Variants in ANKRD23 observed in about 807,000 individuals in gnomAD.
The protein encoded by ANKRD23 is ankyrin repeat domain-containing protein 23.
ANKRD23 carries 52 observed loss-of-function variants against 38.1 expected under a neutral mutation model. That is an observed-to-expected ratio of 1.36 (90% CI 1.09 to 1.72). The LOEUF is 1.72. Among genes scored for constraint, ANKRD23 ranks in the 40% most tolerant of loss-of-function variants. The pLI, the probability that ANKRD23 is intolerant of heterozygous loss-of-function variation, is 0.00. For synonymous variants in ANKRD23, 167 were observed against 162.9 expected (o/e 1.03, Z -0.19); for missense variants, 416 against 400.2 (o/e 1.04, Z -0.34).
chr2:96,838,645 AG>A lies in ANKRD23; in HGVS notation c.*903del, dbSNP rs1467681708. 2.0e-6 allele frequency: 2 copies of A among 985,404 alleles called. No individual in the cohort carries two copies. The highest frequency in any genetic ancestry group is 3.5e-5 in the African/African-American group (2 of 57,242). The allele number at this position is 985,404 out of a possible 1,614,324, so 61.0% of individuals were successfully genotyped here. On this transcript the variant is annotated 3_prime_UTR_variant, in exon 9 of 9. Transcript: ENST00000318357. ...GAACATAAGGGGACATAAGGGCCTC[AG>A]GCAAACTAGGGTTACGGGCCACTGC...
Position 96,842,233 on chromosome 2 carries a change from G to C in ANKRD23, c.175-48C>G, listed in dbSNP as rs781321884. The C allele has an allele frequency of 9.9e-6, 16 of 1,612,304 alleles. No individual in the cohort carries two copies. In the South Asian group the frequency reaches 1.6e-4, roughly 17 times the overall value. On this transcript the variant is annotated intron_variant, in intron 2 of 8. Coordinates refer to ENST00000318357, the MANE Select transcript of ANKRD23 (RefSeq NM_144994.8). ...GCCAGCCATCAGCCGCTGGTCAAGAGATCTCTCTGCCCTGCCGACAGGAGA... is the reference window on the plus strand; with the variant it reads ...GCCAGCCATCAGCCGCTGGTCAAGACATCTCTCTGCCCTGCCGACAGGAGA...
rs1210342535 is a variant in ANKRD23 at position 96,838,082 on chromosome 2, GC to G, written c.*1466del. 6.5e-6 allele frequency: 1 copy of G among 153,638 alleles called. No homozygotes were observed. Among genetic ancestry groups the G allele is most frequent in the African/African-American group, 2.4e-5 (1 of 41,498 alleles). The allele number at this position is 153,638 out of a possible 1,614,324, so 9.5% of individuals were successfully genotyped here. On this transcript the variant is annotated 3_prime_UTR_variant, in exon 9 of 9. Coordinates refer to ENST00000318357, the MANE Select transcript of ANKRD23 (RefSeq NM_144994.8). ...GGTGCACGCTGGCTGTCGCCACAGG[GC>G]AGGAGCTGCTCATGGAAAGGTGTGT...
Position 96,839,724 on chromosome 2 carries a change from C to T in ANKRD23, c.822+3G>A, listed in dbSNP as rs977685877. On this transcript the variant is annotated splice_donor_region_variant and intron_variant, in intron 8 of 8. Transcript: ENST00000318357. Reference sequence around the variant, plus strand: ...CAGGAGCCAGGGCTGCGCCCACACTCACCGCGTTCCGCACCCCCAGCTCGG... The same window carrying T: ...CAGGAGCCAGGGCTGCGCCCACACTTACCGCGTTCCGCACCCCCAGCTCGG... 4 of 1,612,780 alleles carry T rather than the reference C, an allele frequency of 2.5e-6. No individual in the cohort carries two copies. In the Admixed American group the frequency reaches 5.0e-5, roughly 20 times the overall value.
At chr2:96,840,630 G>C (rs1005844467) in intron 4 of ANKRD23, 116 bp from the exon 5 acceptor site, 31 of 1,508,758 alleles carry the variant, frequency 2.1e-5, no homozygotes, top group Middle Eastern at 1.9e-4. Flanking sequence ...CCCACCACGC[G>C]ATGGGCCGCT....
chr2:96,842,030 G>T (rs772765570), intron 3 of ANKRD23, 30 bp downstream of exon 3: 4 of 1,612,836 alleles, frequency 2.5e-6, no homozygotes, highest in Non-Finnish European at 2.5e-6. Flanking sequence ...CCTGGTGTGT[G>T]CACTGCCCTA....
rs1574126217 is a variant in ANKRD23, at chr2:96,839,075, T to C, written c.*474A>G. 1.0e-6 allele frequency: 1 copy of C among 987,566 alleles called. No homozygotes were observed. Among genetic ancestry groups the C allele is most frequent in the South Asian group, 4.7e-5 (1 of 21,320 alleles). The allele number at this position is 987,566 out of a possible 1,614,324, so 61.2% of individuals were successfully genotyped here. A position where few individuals can be genotyped will look rare whatever the true frequency, so the allele number is the denominator to read the frequency against. On this transcript the variant is annotated 3_prime_UTR_variant, in exon 9 of 9. Coordinates refer to ENST00000318357, the MANE Select transcript of ANKRD23 (RefSeq NM_144994.8). Reference sequence around the variant, plus strand: ...CTGCATGGCCTGCCTTGGCTGCACCTTGTACATCCTGGATGGCATCTGCCG... The same window carrying C: ...CTGCATGGCCTGCCTTGGCTGCACCCTGTACATCCTGGATGGCATCTGCCG...
Position 96,841,593 on chromosome 2 carries a change from C to T in ANKRD23, c.300+467G>A, listed in dbSNP as rs189906834. Among the ~76,000 whole-genome samples the T allele has an allele frequency of 2.0e-3, 249 of 123,872 alleles. 1 individual carries two copies. Among genetic ancestry groups the T allele is most frequent in the African/African-American group, 7.9e-3 (237 of 30,064 alleles). The allele number at this position is 123,872 out of a possible 152,430, so 81.3% of individuals were successfully genotyped here. On this transcript the variant is annotated intron_variant, in intron 3 of 8. Coordinates refer to ENST00000318357, the MANE Select transcript of ANKRD23 (RefSeq NM_144994.8). ...CAGCCTGGGCAACAGAGCGAGACTC[C>T]GTCTCAAAAAAAAAAAAAAAAAAAA...
rs192694038 is a variant in ANKRD23, at chr2:96,838,374, C to T, written c.*1175G>A. 2 of 988,170 alleles carry T rather than the reference C, an allele frequency of 2.0e-6. No individual in the cohort carries two copies. The highest frequency in any genetic ancestry group is 3.5e-5 in the African/African-American group (2 of 57,432). The allele number at this position is 988,170 out of a possible 1,614,324, so 61.2% of individuals were successfully genotyped here. ...TAGGGGCCCAGCCCCACCAGCAGTA[C>T]AGGCCTACACCAGTGTAATTTGAAA... On this transcript the variant is annotated 3_prime_UTR_variant, in exon 9 of 9. Coordinates refer to ENST00000318357, the MANE Select transcript of ANKRD23 (RefSeq NM_144994.8).
rs951172144 is a variant in ANKRD23, at chr2:96,839,290, C to G, written c.*259G>C. ...TTCCTGGCCCTCATCTGGACCCGCG[C>G]TTTCTGCTGCCTTGTGGTCCTCTGC... is the stretch of plus-strand genomic sequence containing the variant. On this transcript the variant is annotated 3_prime_UTR_variant, in exon 9 of 9. Transcript: ENST00000318357. 8.2e-7 allele frequency: 1 copy of G among 1,216,384 alleles called. No homozygotes were observed. The highest frequency in any genetic ancestry group is 4.1e-5 in the Admixed American group (1 of 24,564). 75.3% of individuals were successfully genotyped at this position (1,216,384 alleles called of 1,614,324 possible). A position where few individuals can be genotyped will look rare whatever the true frequency, so the allele number is the denominator to read the frequency against.
Position 96,842,398 on chromosome 2 carries a change from C to A in ANKRD23, c.141G>T (p.Glu47Asp). ...TCTTCTCTTCTTCCAATTTCAGCTT[C>A]TCCCGGGCCACAGCCTCTTGGGGGC... ...RRGPQEAVAR[E>D]KLKLEEEKKK... Residue 47 changes from glutamate to aspartate, a missense_variant, in exon 2 of 9, where the codon GAG becomes GAT. Transcript: ENST00000318357. 2 of 1,597,644 alleles carry A rather than the reference C, an allele frequency of 1.3e-6. No individual in the cohort carries two copies. The highest frequency in any genetic ancestry group is 1.1e-5 in the South Asian group (1 of 90,864).
rs763448108 is a variant in ANKRD23, at chr2:96,839,520, G to T, written c.*29C>A. 13 of 1,426,882 alleles carry T rather than the reference G, an allele frequency of 9.1e-6. No homozygotes were observed. Among genetic ancestry groups the T allele is most frequent in the Non-Finnish European group, 2.7e-6 (3 of 1,095,956 alleles). 88.4% of individuals were successfully genotyped at this position (1,426,882 alleles called of 1,614,324 possible). ...GCACAGGATGGAATGGTGGCAGTGC[G>T]AAAGGCGCGGCGGGGGGCGGTGCTG... is the stretch of plus-strand genomic sequence containing the variant. On this transcript the variant is annotated 3_prime_UTR_variant, in exon 9 of 9. Coordinates refer to ENST00000318357, the MANE Select transcript of ANKRD23 (RefSeq NM_144994.8).
rs769794770 is a variant in ANKRD23 at position 96,839,835 on chromosome 2, A to G, written c.724-10T>C. On this transcript the variant is annotated splice_polypyrimidine_tract_variant and intron_variant, in intron 7 of 8. Coordinates refer to ENST00000318357, the MANE Select transcript of ANKRD23 (RefSeq NM_144994.8). Reference sequence around the variant, plus strand: ...GAGCCGTGTCCCCTTCCTGCTGAGAACGCAGGCAGTCAAGCTTCTGCCTCC... The same window carrying G: ...GAGCCGTGTCCCCTTCCTGCTGAGAGCGCAGGCAGTCAAGCTTCTGCCTCC... The G allele has an allele frequency of 3.7e-6, 6 of 1,610,362 alleles. No homozygotes were observed. The South Asian group carries it at 6.6e-5, about 18-fold the overall frequency.
rs574635171 is a variant in ANKRD23 at position 96,843,954 on chromosome 2, C to T, written c.27+12G>A. On this transcript the variant is annotated intron_variant, in intron 1 of 8. Transcript: ENST00000318357. ...TCCCAGGGTGCCTCCCACCTCCGTC[C>T]CACATCCTTACCAACTGCTGAATGC... 6.8e-6 allele frequency: 11 copies of T among 1,607,324 alleles called. No individual in the cohort carries two copies. The highest frequency in any genetic ancestry group is 9.3e-6 in the Non-Finnish European group (11 of 1,177,100).
Position 96,842,477 on chromosome 2 carries a change from C to CAA in ANKRD23, c.61_62insTT (p.Gly21ValfsTer30). The CAA allele has an allele frequency of 6.2e-7, 1 of 1,614,120 alleles. No individual in the cohort carries two copies. Among genetic ancestry groups the CAA allele is most frequent in the Non-Finnish European group, 8.5e-7 (1 of 1,180,006 alleles). ...AGGGTCAGGAACTCCATGTCCAAAT[C>CAA]CCAACACTTTCCCTTCAACTCTTTC... is the stretch of plus-strand genomic sequence containing the variant. On this transcript the variant is annotated frameshift_variant, in exon 2 of 9. Transcript: ENST00000318357. LOFTEE classifies it high-confidence loss of function.
At position 96,840,786 on chromosome 2, in the gene ANKRD23, C is replaced by T. The variant is rs112667673; in HGVS notation, c.426+1G>A. 7 of 1,614,164 alleles carry T rather than the reference C, an allele frequency of 4.3e-6. No homozygotes were observed. The highest frequency in any genetic ancestry group is 1.1e-5 in the South Asian group (1 of 91,076). On this transcript the variant is annotated splice_donor_variant, in intron 4 of 8. Coordinates refer to ENST00000318357, the MANE Select transcript of ANKRD23 (RefSeq NM_144994.8). LOFTEE classifies it high-confidence loss of function. ...CAGCCGACTCACCCAACCTGTGCTA[C>T]CTTGTCATGGGCATTGGGGTCCCCT...
chr2:96,842,783 G>T (rs781462628), intron 1 of ANKRD23, among the ~76,000 whole-genome samples: 5 of 152,200 alleles, frequency 3.3e-5, no homozygotes, highest in African/African-American at 4.8e-5. Flanking sequence ...GAACACAGCT[G>T]GGGGGACATG....
At position 96,840,341 on chromosome 2, in the gene ANKRD23, A is replaced by G; in HGVS notation, c.526-11T>C. ...AGGTGTCCTGTCCAGCTGCAAAACA[A>G]AAGCACCCAAGCACTCAGCTGCTGG... On this transcript the variant is annotated splice_polypyrimidine_tract_variant and intron_variant, in intron 5 of 8. Transcript: ENST00000318357. The G allele has an allele frequency of 6.2e-7, 1 of 1,606,550 alleles. No homozygotes were observed. Among genetic ancestry groups the G allele is most frequent in the Non-Finnish European group, 8.5e-7 (1 of 1,175,958 alleles).
chr2:96,839,693 T>A (rs374745685), intron 8 of ANKRD23, 34 bp downstream of exon 8: 39 of 1,599,072 alleles, frequency 2.4e-5, no homozygotes, highest in Non-Finnish European at 3.2e-5. Context: ...CCACCCGCCC[T>A]CGGGTCAGGA....
In ANKRD23 at chr2:96,838,777, C is replaced by T. The variant is rs1277172993; in HGVS notation, c.*772G>A. ...CAGGCCGGCCTGAGCGGGGCCAGTACACAGTGGGTGCGAGGCTTCTCTCAA... is the reference window on the plus strand; with the variant it reads ...CAGGCCGGCCTGAGCGGGGCCAGTATACAGTGGGTGCGAGGCTTCTCTCAA... On this transcript the variant is annotated 3_prime_UTR_variant, in exon 9 of 9. Transcript: ENST00000318357. 1 of 985,494 alleles carries T rather than the reference C, an allele frequency of 1.0e-6. No individual in the cohort carries two copies. Among genetic ancestry groups the T allele is most frequent in the Non-Finnish European group, 1.2e-6 (1 of 830,080 alleles). The allele number at this position is 985,494 out of a possible 1,614,324, so 61.0% of individuals were successfully genotyped here.
Sources: gnomAD v4.1 joint callset for allele counts (sites outside exome capture counted in the v4.1 genomes callset) on GRCh38, gnomAD v4.1.1 for gene constraint, MANE v1.5 for transcripts, NCBI Gene and HGNC (gene_info 2026-07-23, HGNC 2026-07-21) for gene names.